The following PUM1 variants were observed in gnomAD, a reference collection of about 807,000 sequenced individuals.
PUM1 encodes pumilio homolog 1.
In PUM1, 13 loss-of-function variants were observed where a neutral mutation model predicts 131.8. The ratio of observed to expected loss-of-function variants is 0.10; its 90% CI spans 0.06 to 0.16. PUM1 has a LOEUF of 0.16. Ranked by LOEUF, PUM1 falls within the 10% of genes least tolerant of loss-of-function variation. The probability of loss-of-function intolerance (pLI) is 1.00; values close to 1 mark genes in which losing one functional copy is unlikely to be tolerated. For synonymous variants in PUM1, 509 were observed against 556.5 expected, an observed-to-expected ratio of 0.91 and a Z score of 1.20; for missense variants, 961 against 1,512.4, an observed-to-expected ratio of 0.64 and a Z score of 6.05.
chr1:30,963,580 C>G (rs1436496072), intron 14 of PUM1, among the ~76,000 whole-genome samples: 6 of 152,212 alleles, frequency 3.9e-5, no homozygotes, highest in Admixed American at 1.3e-4. Flanking sequence ...TTACCCTACC[C>G]ACTTCAGACT....
intron 5 of PUM1, among the ~76,000 whole-genome samples, chr1:30,995,785 T>A (rs1335603021): frequency 1.3e-5 from 2 of 152,200 alleles, no homozygotes; most frequent in Non-Finnish European, 2.9e-5. Context: ...ATATGCCCTG[T>A]CAATTTGCAT....
chr1:30,971,836 T>C (rs1263760321), intron 10 of PUM1, among the ~76,000 whole-genome samples: 1 of 152,262 alleles, frequency 6.6e-6, no homozygotes, highest in Non-Finnish European at 1.5e-5. Context: ...TTGTTCACTG[T>C]ATTAGACCTA....
intron 5 of PUM1, among the ~76,000 whole-genome samples, chr1:30,998,893 T>G (rs1313177640): frequency 6.6e-6 from 1 of 152,192 alleles, no homozygotes; most frequent in Non-Finnish European, 1.5e-5. Flanking sequence ...ATGAAGACCC[T>G]AAAGACAATA....
intron 5 of PUM1, among the ~76,000 whole-genome samples, chr1:31,004,822 C>T (rs1642341970): frequency 6.6e-6 from 1 of 152,248 alleles, no homozygotes; most frequent in African/African-American, 2.4e-5. Flanking sequence ...GCAACAAATG[C>T]TATTAAAGAA....
intron 3 of PUM1, 53 bp downstream of exon 3, chr1:31,028,743 T>A: frequency 7.1e-7 from 1 of 1,407,980 alleles, no homozygotes. Context: ...GAAAGACAAC[T>A]CCAACCTTCC....
chr1:30,971,011 AC>A (rs1048713324), intron 10 of PUM1, among the ~76,000 whole-genome samples: 16 of 152,298 alleles, frequency 1.1e-4, no homozygotes, highest in Admixed American at 3.9e-4. Context: ...TCTGTCCAGT[AC>A]CCCTAACTAC....
chr1:30,971,829 T>C (rs570284012), intron 10 of PUM1, among the ~76,000 whole-genome samples: 57 of 152,230 alleles, frequency 3.7e-4, no homozygotes, highest in Non-Finnish European at 6.3e-4. Context: ...ATTATTCTTG[T>C]TCACTGTATT....
chr1:30,960,371 A>G (rs1640353667), intron 14 of PUM1, among the ~76,000 whole-genome samples: 1 of 152,164 alleles, frequency 6.6e-6, no homozygotes, highest in Admixed American at 6.5e-5. Context: ...CAGATTTTTG[A>G]CTTGGGATTC....
chr1:31,002,631 A>T (rs923942488), intron 5 of PUM1, among the ~76,000 whole-genome samples: 3 of 152,216 alleles, frequency 2.0e-5, no homozygotes, highest in Non-Finnish European at 4.4e-5. Context: ...CTGTGGGGTG[A>T]GCACCTGTTC....
At chr1:30,977,765 G>A (rs150820632) in intron 9 of PUM1, among the ~76,000 whole-genome samples, 8 of 152,254 alleles carry the variant, frequency 5.3e-5, no homozygotes, top group African/African-American at 1.9e-4. Flanking sequence ...TCAACCCTAA[G>A]ACCAGTTCTT....
At chr1:30,948,514 C>T (rs540647189) in intron 17 of PUM1, among the ~76,000 whole-genome samples, 7 of 152,212 alleles carry the variant, frequency 4.6e-5, no homozygotes, top group Admixed American at 3.9e-4. Flanking sequence ...AATCCCAGCA[C>T]TTTGGGAGGC....
chr1:31,018,626 C>G (rs111926869), intron 3 of PUM1, among the ~76,000 whole-genome samples: 2 of 152,122 alleles, frequency 1.3e-5, no homozygotes, highest in Non-Finnish European at 2.9e-5. Flanking sequence ...GCACCGTAAT[C>G]CAGCCTGGGT....
In PUM1 at chr1:31,060,690, A is replaced by T. The variant is rs112293031; in HGVS notation, c.-11-1113T>A. Among the ~76,000 whole-genome samples, 1,269 of 152,152 alleles carry T rather than the reference A, an allele frequency of 8.3e-3. 22 individuals are homozygous for T. Among genetic ancestry groups the T allele is most frequent in the African/African-American group, 0.028 (1,178 of 41,498 alleles). On this transcript the variant is annotated intron_variant, in intron 1 of 21. Coordinates refer to ENST00000426105, the MANE Select transcript of PUM1 (RefSeq NM_001020658.2). ...CACTTGAGGTCAGGAGTTCGAGACC[A>T]GCCTGGCCAACATTATGAAACCCCA...
intron 10 of PUM1, among the ~76,000 whole-genome samples, chr1:30,969,486 A>G (rs1452221953): frequency 1.3e-5 from 2 of 152,154 alleles, no homozygotes; most frequent in African/African-American, 4.8e-5. Context: ...TATATTTATC[A>G]AGGTCCACAT....
In PUM1 at chr1:30,963,599, A is replaced by G. The variant is rs538809565; in HGVS notation, c.2323+1075T>C. ...CCTACCCACTTCAGACTTCTCTTGAATCTTATAAATCACTTTCTAGTCTGC... is the reference window on the plus strand; with the variant it reads ...CCTACCCACTTCAGACTTCTCTTGAGTCTTATAAATCACTTTCTAGTCTGC... On this transcript the variant is annotated intron_variant, in intron 14 of 21. Transcript: ENST00000426105. Among the ~76,000 whole-genome samples the G allele has an allele frequency of 2.0e-5, 3 of 152,300 alleles. No individual in the cohort carries two copies. The South Asian group carries it at 6.2e-4, about 32-fold the overall frequency.
intron 3 of PUM1, among the ~76,000 whole-genome samples, chr1:31,017,887 T>C (rs993592389): frequency 5.9e-5 from 9 of 152,006 alleles, no homozygotes; most frequent in Non-Finnish European, 5.9e-5. Flanking sequence ...CAGTCCTCCA[T>C]AAAATGGGGT....
At chr1:31,034,105 G>C (rs1453259913) in intron 2 of PUM1, among the ~76,000 whole-genome samples, 1 of 152,118 alleles carries the variant, frequency 6.6e-6, no homozygotes, top group Non-Finnish European at 1.5e-5. Context: ...CAAACATTAT[G>C]TTAAACCATG....
In PUM1 at chr1:31,035,390, C is replaced by G. The variant is rs1182052376; in HGVS notation, c.364-6526G>C. On this transcript the variant is annotated intron_variant, in intron 2 of 21. Coordinates refer to ENST00000426105, the MANE Select transcript of PUM1 (RefSeq NM_001020658.2). ...CCTGGGTGACAAAACAAGTCTGTCTCAAAAGAAAAAAAAAAAAGTCATAAC... is the reference window on the plus strand; with the variant it reads ...CCTGGGTGACAAAACAAGTCTGTCTGAAAAGAAAAAAAAAAAAGTCATAAC... Among the ~76,000 whole-genome samples, 4 of 141,658 alleles carry G rather than the reference C, an allele frequency of 2.8e-5. No individual in the cohort carries two copies. The East Asian group carries it at 8.7e-4, about 31-fold the overall frequency. 92.9% of individuals were successfully genotyped at this position (141,658 alleles called of 152,430 possible).
intron 3 of PUM1, among the ~76,000 whole-genome samples, chr1:31,021,780 CA>C (rs997857978): frequency 6.6e-6 from 1 of 151,750 alleles, no homozygotes; most frequent in Non-Finnish European, 1.5e-5. Flanking sequence ...TGGGAGGGAG[CA>C]AAAAAGCTTT....
Sources: allele counts gnomAD v4.1 joint callset (sites outside exome capture counted in the v4.1 genomes callset), GRCh38; gene constraint gnomAD v4.1.1; transcripts MANE v1.5; gene names NCBI Gene and HGNC (gene_info 2026-07-23, HGNC 2026-07-21).